DLGAP2: variants seen among roughly 807,000 people sequenced by gnomAD.
The protein encoded by DLGAP2 is disks large-associated protein 2.
Under a neutral mutation model 100.3 loss-of-function variants are expected in DLGAP2, and 26 were observed. The observed-to-expected ratio is 0.26, with a 90% CI of 0.19 to 0.36. DLGAP2 has a LOEUF of 0.36. DLGAP2 is among the 10% of genes least tolerant of loss of function. The pLI, the probability that DLGAP2 is intolerant of heterozygous loss-of-function variation, is 1.00. For synonymous variants in DLGAP2, 886 were observed against 630.1 expected (o/e 1.41, Z -6.08); for missense variants, 1,858 against 1,453.2 (o/e 1.28, Z -4.53).
intron 3 of DLGAP2, among the ~76,000 whole-genome samples, chr8:1,386,243 T>C (rs1482014764): frequency 6.6e-6 from 1 of 151,998 alleles, no homozygotes; most frequent in Non-Finnish European, 1.5e-5. Flanking sequence ...GAAAAGGAAA[T>C]TCTAGAAAAA....
At chr8:1,516,225 G>A (rs551890293) in intron 4 of DLGAP2, among the ~76,000 whole-genome samples, 1 of 152,154 alleles carries the variant, frequency 6.6e-6, no homozygotes, top group Non-Finnish European at 1.5e-5. Context: ...ATGAGTGAGT[G>A]AATGAGTGAG....
rs533615464 is a variant in DLGAP2 at position 980,723 on chromosome 8, A to C, written c.73+72757A>C. Among the ~76,000 whole-genome samples, 42 of 152,216 alleles carry C rather than the reference A, an allele frequency of 2.8e-4. No homozygotes were observed. The South Asian group carries it at 8.7e-3, about 32-fold the overall frequency. On this transcript the variant is annotated intron_variant, in intron 2 of 14. Transcript: ENST00000637795. The stretch of plus-strand genomic sequence containing the variant: ...AGGAAGGAAGCTGGGTTCCGGGAGG[A>C]CACGCTGGCTCAGCTGAGGAGACAG...
intron 4 of DLGAP2, among the ~76,000 whole-genome samples, chr8:1,512,807 T>C (rs192223875): frequency 9.2e-5 from 14 of 152,352 alleles, no homozygotes; most frequent in African/African-American, 3.4e-4. Flanking sequence ...ACTGCCAACA[T>C]TTTCTAAAGA....
At chr8:826,015 T>G (rs371656910) in intron 1 of DLGAP2, among the ~76,000 whole-genome samples, 1 of 151,474 alleles carries the variant, frequency 6.6e-6, no homozygotes, top group Non-Finnish European at 1.5e-5. Flanking sequence ...GTACTTCTTC[T>G]CTATTTGCAT....
chr8:1,229,108 A>G (rs62486899), intron 2 of DLGAP2, among the ~76,000 whole-genome samples: 22,914 of 152,164 alleles, frequency 0.15, 1,919 homozygotes, highest in Admixed American at 0.22. Context: ...ACGAAACTCA[A>G]TTGCATGCAT....
chr8:1,377,825 G>A (rs535192706), intron 3 of DLGAP2: 14 of 152,422 alleles, frequency 9.2e-5, no homozygotes, highest in African/African-American at 2.9e-4. Context: ...TGCAGAACCC[G>A]AGCATAGGCA....
chr8:1,274,636 C>T (rs1799646307), intron 3 of DLGAP2, among the ~76,000 whole-genome samples: 1 of 128,772 alleles, frequency 7.8e-6, no homozygotes, highest in Non-Finnish European at 1.6e-5. Context: ...TGTTTTAGAA[C>T]ATAAACCATA....
chr8:1,175,383 T>C (rs908518929), intron 2 of DLGAP2, among the ~76,000 whole-genome samples: 2 of 152,218 alleles, frequency 1.3e-5, no homozygotes, highest in African/African-American at 2.4e-5. Context: ...AAGAATATCA[T>C]TAGCTGTAAA....
intron 3 of DLGAP2, among the ~76,000 whole-genome samples, chr8:1,312,437 A>C (rs149010217): frequency 0.018 from 2,692 of 152,352 alleles, 29 homozygotes; most frequent in South Asian, 0.031. Context: ...TCACGTATCC[A>C]GTAACAGATT....
chr8:1,442,150 G>A (rs1228853298), intron 3 of DLGAP2, among the ~76,000 whole-genome samples: 2 of 152,190 alleles, frequency 1.3e-5, no homozygotes, highest in African/African-American at 2.4e-5. Flanking sequence ...GGGCTGCTGT[G>A]GGTTCAGCCA....
intron 1 of DLGAP2, chr8:738,068 G>A (rs1820366403): frequency 7.1e-6 from 2 of 280,282 alleles, no homozygotes; most frequent in East Asian, 1.3e-4. Context: ...CGCGCTCGGG[G>A]GTGCCGGGAC....
intron 4 of DLGAP2, among the ~76,000 whole-genome samples, chr8:1,523,994 C>A (rs867709823): frequency 1.3e-5 from 2 of 152,184 alleles, no homozygotes; most frequent in Non-Finnish European, 2.9e-5. Flanking sequence ...CGCCGCAAGT[C>A]CGGATTCGGC....
chr8:1,679,556 C>T (rs1798894231), intron 12 of DLGAP2, among the ~76,000 whole-genome samples: 1 of 152,256 alleles, frequency 6.6e-6, no homozygotes, highest in Admixed American at 6.5e-5. Flanking sequence ...CCGTGTCATT[C>T]TTCTACCAGT....
At position 1,483,208 on chromosome 8, in the gene DLGAP2, A is replaced by T. The variant is rs561078352; in HGVS notation, c.107-18158A>T. Among the ~76,000 whole-genome samples the T allele has an allele frequency of 5.9e-5, 9 of 152,278 alleles. No homozygotes were observed. The East Asian group carries it at 9.7e-4, about 16-fold the overall frequency. On this transcript the variant is annotated intron_variant, in intron 3 of 14. Coordinates refer to ENST00000637795, the MANE Select transcript of DLGAP2 (RefSeq NM_001346810.2). ...ATGAGAGGCCCTGAGGGGTCCAGGG[A>T]GTCCGTACTTTGTGGGGAAACTCAG...
chr8:1,497,607 A>G (rs1316552191), intron 3 of DLGAP2, among the ~76,000 whole-genome samples: 13 of 152,190 alleles, frequency 8.5e-5, no homozygotes. Context: ...GGTCGCTGAG[A>G]TGGTAATTAG....
At chr8:846,418 C>G (rs1368216738) in intron 1 of DLGAP2, among the ~76,000 whole-genome samples, 4 of 152,196 alleles carry the variant, frequency 2.6e-5, no homozygotes, top group Non-Finnish European at 5.9e-5. Context: ...GCTCTCTTCA[C>G]TTAACATATG....
chr8:835,547 G>T (rs1796857045), intron 1 of DLGAP2, among the ~76,000 whole-genome samples: 1 of 151,552 alleles, frequency 6.6e-6, no homozygotes, highest in South Asian at 2.1e-4. Context: ...GTAGTCCGTG[G>T]TCCCCCGTGC....
chr8:901,581 CT>C (rs1159120474), intron 1 of DLGAP2, among the ~76,000 whole-genome samples: 1 of 152,130 alleles, frequency 6.6e-6, no homozygotes, highest in Non-Finnish European at 1.5e-5. Flanking sequence ...ATTCTGAGGG[CT>C]TGAGAAATGC....
chr8:1,590,221 T>A (rs1563241735), intron 6 of DLGAP2, among the ~76,000 whole-genome samples: 1 of 152,084 alleles, frequency 6.6e-6, no homozygotes, highest in South Asian at 2.1e-4. Context: ...TGACCCTATT[T>A]CCAAGCGAGG....
Sources: gnomAD v4.1 joint callset for allele counts (sites outside exome capture counted in the v4.1 genomes callset) on GRCh38, gnomAD v4.1.1 for gene constraint, MANE v1.5 for transcripts, NCBI Gene and HGNC (gene_info 2026-07-23, HGNC 2026-07-21) for gene names.